IQGAP2: variants seen among roughly 807,000 people sequenced by gnomAD.
IQGAP2 encodes ras GTPase-activating-like protein IQGAP2.
IQGAP2 carries 173 observed loss-of-function variants against 201.3 expected under a neutral mutation model. The observed-to-expected ratio is 0.86, with a 90% CI of 0.76 to 0.98. The LOEUF (loss-of-function observed/expected upper bound fraction) is 0.98. Among genes scored for constraint, IQGAP2 ranks in the 50% least tolerant of loss-of-function variants. The probability of loss-of-function intolerance (pLI) is 0.00; values close to 1 mark genes in which losing one functional copy is unlikely to be tolerated. For missense variants in IQGAP2, 1,687 were observed against 1,864.8 expected, an observed-to-expected ratio of 0.90 and a Z score of 1.76; for synonymous variants, 675 against 673.9, an observed-to-expected ratio of 1.00 and a Z score of -0.03.
chr5:76,447,099 C>A (rs1398218089), intron 1 of IQGAP2, among the ~76,000 whole-genome samples: 1 of 151,948 alleles, frequency 6.6e-6, no homozygotes, highest in African/African-American at 2.4e-5. Context: ...AGTTAAGAGC[C>A]GTTGTCGGCC....
intron 1 of IQGAP2, among the ~76,000 whole-genome samples, chr5:76,416,591 G>A (rs1399562240): frequency 6.7e-6 from 1 of 150,078 alleles, no homozygotes. Context: ...GCAGTGGCGC[G>A]ATCTTGGCTC....
intron 35 of IQGAP2, among the ~76,000 whole-genome samples, chr5:76,704,859 T>TAAAGCC (rs1747735291): frequency 2.0e-5 from 3 of 152,058 alleles, no homozygotes; most frequent in Admixed American, 2.0e-4. Context: ...TTACTGTGAG[T>TAAAGCC]AAAGGACCAG....
Position 76,654,210 on chromosome 5 carries a change from G to T in IQGAP2, c.2189G>T (p.Trp730Leu). ...TTTAAAACCTTTCAGATTCAGTCCTGGTTCCGAATGGCAACTGCAAGAAAG... is the reference window on the plus strand; with the variant it reads ...TTTAAAACCTTTCAGATTCAGTCCTTGTTCCGAATGGCAACTGCAAGAAAG... ...NTDSIVKIQS[W>L]FRMATARKSY... Residue 730 changes from tryptophan to leucine, a missense_variant, in exon 19 of 36, where the codon TGG becomes TTG. Coordinates refer to ENST00000274364, the MANE Select transcript of IQGAP2 (RefSeq NM_006633.5). The T allele has an allele frequency of 6.2e-7, 1 of 1,607,648 alleles. No homozygotes were observed. The highest frequency in any genetic ancestry group is 8.5e-7 in the Non-Finnish European group (1 of 1,176,428).
intron 2 of IQGAP2, among the ~76,000 whole-genome samples, chr5:76,488,381 A>C (rs561524668): frequency 7.0e-4 from 107 of 152,282 alleles, no homozygotes; most frequent in Middle Eastern, 3.4e-3. Context: ...TTTTTAAAAA[A>C]ATTATTGGTT....
Position 76,500,066 on chromosome 5 carries a change from C to A in IQGAP2, c.146+38397C>A, listed in dbSNP as rs571055429. Among the ~76,000 whole-genome samples the A allele has an allele frequency of 2.0e-5, 3 of 152,252 alleles. No homozygotes were observed. The South Asian group carries it at 6.2e-4, about 32-fold the overall frequency. On this transcript the variant is annotated intron_variant, in intron 2 of 35. Coordinates refer to ENST00000274364, the MANE Select transcript of IQGAP2 (RefSeq NM_006633.5). ...GAGGTTGCAGGGAGCTGTGATTACA[C>A]CATTGTACTCCAACCTAGGTGACAG...
intron 33 of IQGAP2, among the ~76,000 whole-genome samples, chr5:76,698,955 T>C (rs1163060983): frequency 6.6e-6 from 1 of 152,222 alleles, no homozygotes; most frequent in Non-Finnish European, 1.5e-5. Context: ...CATATATGCA[T>C]CACCTCAAAT....
chr5:76,662,424 G>C (rs760206412), intron 21 of IQGAP2, among the ~76,000 whole-genome samples: 2 of 152,022 alleles, frequency 1.3e-5, no homozygotes, highest in Non-Finnish European at 1.5e-5. Context: ...TCTGTATATG[G>C]CAAAAACCAT....
chr5:76,489,255 C>T (rs1756372262), intron 2 of IQGAP2, among the ~76,000 whole-genome samples: 1 of 152,280 alleles, frequency 6.6e-6, no homozygotes, highest in Non-Finnish European at 1.5e-5. Context: ...CACAGTCCTT[C>T]CAGTGAGTGT....
intron 35 of IQGAP2, among the ~76,000 whole-genome samples, chr5:76,705,069 T>G (rs10062454): frequency 0.32 from 49,007 of 151,984 alleles, 8,044 homozygotes; most frequent in Non-Finnish European, 0.35. Context: ...AAAAATAATG[T>G]CAGGTATTTA....
At chr5:76,459,915 A>C (rs1042578698) in intron 1 of IQGAP2, among the ~76,000 whole-genome samples, 77 of 152,204 alleles carry the variant, frequency 5.1e-4, no homozygotes, top group African/African-American at 1.8e-3. Context: ...CTGGGATTAC[A>C]GGCGTGAGCC....
intron 21 of IQGAP2, among the ~76,000 whole-genome samples, chr5:76,663,326 A>T (rs562080267): frequency 9.2e-5 from 14 of 152,320 alleles, no homozygotes; most frequent in African/African-American, 3.4e-4. Context: ...CTGATGTGCA[A>T]ATAGAGTCCT....
At chr5:76,614,605 CTTTTTTTTTTTTTTT>C (rs10603126) in intron 13 of IQGAP2, among the ~76,000 whole-genome samples, 2 of 59,572 alleles carry the variant, frequency 3.4e-5, no homozygotes, top group Non-Finnish European at 5.8e-5. Context: ...TTCCCCTCTG[CTTTTTTTTTTTTTTT>C]TTTTTTTTTT....
chr5:76,482,283 T>C (rs1651568921), intron 2 of IQGAP2, among the ~76,000 whole-genome samples: 1 of 152,200 alleles, frequency 6.6e-6, no homozygotes, highest in Admixed American at 6.5e-5. Flanking sequence ...GCCTCTTGCT[T>C]TGTTCCTGAA....
intron 1 of IQGAP2, among the ~76,000 whole-genome samples, chr5:76,447,724 G>A (rs1366804103): frequency 6.6e-6 from 1 of 152,124 alleles, no homozygotes; most frequent in Non-Finnish European, 1.5e-5. Context: ...AGGAGCTGCT[G>A]GTATGCAGAC....
At chr5:76,540,537 C>A (rs941603599) in intron 2 of IQGAP2, among the ~76,000 whole-genome samples, 2 of 152,084 alleles carry the variant, frequency 1.3e-5, no homozygotes, top group Non-Finnish European at 2.9e-5. Flanking sequence ...TGCTGGAAGC[C>A]AACAACGGAC....
intron 2 of IQGAP2, among the ~76,000 whole-genome samples, chr5:76,529,701 A>G (rs1311275723): frequency 6.6e-6 from 1 of 150,652 alleles, no homozygotes; most frequent in Non-Finnish European, 1.5e-5. Context: ...GTAATATTTA[A>G]TGTGAAATTC....
At position 76,660,951 on chromosome 5, in the gene IQGAP2, A is replaced by G. The variant is rs147246639; in HGVS notation, c.2529+2284A>G. 4.1e-3 allele frequency among the ~76,000 whole-genome samples: 617 copies of G among 152,336 alleles called. 3 individuals are homozygous for G. The highest frequency in any genetic ancestry group is 0.014 in the African/African-American group (586 of 41,578). On this transcript the variant is annotated intron_variant, in intron 21 of 35. Transcript: ENST00000274364. ...GATGGTTTTTAGACTATTTTAAAGC[A>G]GGAGGAAAGGTTTGCGATATAGTAG...
chr5:76,449,687 G>T (rs960233274), intron 1 of IQGAP2, among the ~76,000 whole-genome samples: 4 of 152,174 alleles, frequency 2.6e-5, no homozygotes, highest in Admixed American at 2.0e-4. Context: ...TCCCTGCCTA[G>T]CTTCATAATT....
intron 17 of IQGAP2, among the ~76,000 whole-genome samples, chr5:76,646,733 T>C (rs1389399732): frequency 6.6e-6 from 1 of 152,216 alleles, no homozygotes; most frequent in African/African-American, 2.4e-5. Context: ...TTGAGGGCAA[T>C]TGGCATCTTT....
Sources: allele counts gnomAD v4.1 joint callset (sites outside exome capture counted in the v4.1 genomes callset), GRCh38; gene constraint gnomAD v4.1.1; transcripts MANE v1.5; gene names NCBI Gene and HGNC (gene_info 2026-07-23, HGNC 2026-07-21).